SLC39A8: variants seen among roughly 807,000 people sequenced by gnomAD.
SLC39A8 encodes solute carrier family 39 member 8.
Under a neutral mutation model 40.4 loss-of-function variants are expected in SLC39A8, and 15 were observed. The observed-to-expected ratio is 0.37, with a 90% CI of 0.25 to 0.57. The LOEUF (loss-of-function observed/expected upper bound fraction) is 0.57. Ranked by LOEUF, SLC39A8 falls within the 20% of genes least tolerant of loss-of-function variation. The pLI is 0.75. For synonymous variants in SLC39A8, 223 were observed against 221.6 expected, an observed-to-expected ratio of 1.01 and a Z score of -0.06; for missense variants, 472 against 558.8, an observed-to-expected ratio of 0.84 and a Z score of 1.57.
Position 102,272,981 on chromosome 4 carries a change from C to T in SLC39A8, c.841-4902G>A, listed in dbSNP as rs72924836. Reference sequence around the variant, plus strand: ...AGGAGATTCCCTAGGGTGCCTACACCTCAAGGGCCCTGGGTTTCAACCACA... The same window carrying T: ...AGGAGATTCCCTAGGGTGCCTACACTTCAAGGGCCCTGGGTTTCAACCACA... On this transcript the variant is annotated intron_variant, in intron 6 of 8. Transcript: ENST00000356736. Among the ~76,000 whole-genome samples the T allele has an allele frequency of 8.8e-3, 1,344 of 152,290 alleles. 20 individuals carry two copies. Among genetic ancestry groups the T allele is most frequent in the African/African-American group, 0.031 (1,283 of 41,566 alleles).
At chr4:102,335,375 T>C (rs1387288975) in intron 2 of SLC39A8, among the ~76,000 whole-genome samples, 2 of 152,202 alleles carry the variant, frequency 1.3e-5, no homozygotes, top group Non-Finnish European at 2.9e-5. Context: ...AAGAGATACA[T>C]CTCTCACTTC....
rs1209350669 is a variant in SLC39A8, at chr4:102,326,518, G to A, written c.220-10688C>T. 3.3e-5 allele frequency among the ~76,000 whole-genome samples: 5 copies of A among 152,126 alleles called. No homozygotes were observed. The East Asian group carries it at 5.8e-4, about 18-fold the overall frequency. Reference sequence around the variant, plus strand: ...AGAGCTTGCAGTGAGCCGAGATCGCGCCACTGCATTCCAGCCTGGGCGACA... The same window carrying A: ...AGAGCTTGCAGTGAGCCGAGATCGCACCACTGCATTCCAGCCTGGGCGACA... On this transcript the variant is annotated intron_variant, in intron 2 of 8. Transcript: ENST00000356736.
intron 2 of SLC39A8, among the ~76,000 whole-genome samples, chr4:102,333,966 A>G (rs1183388658): frequency 6.6e-6 from 1 of 152,204 alleles, no homozygotes; most frequent in Non-Finnish European, 1.5e-5. Flanking sequence ...TTCAGGTAGG[A>G]TGTAATCAAC....
At chr4:102,336,177 AAT>A (rs1207164570) in intron 2 of SLC39A8, among the ~76,000 whole-genome samples, 1 of 152,202 alleles carries the variant, frequency 6.6e-6, no homozygotes, top group East Asian at 1.9e-4. Context: ...AAGTGCCCGA[AAT>A]ATGTTAAATG....
intron 6 of SLC39A8, among the ~76,000 whole-genome samples, chr4:102,291,382 A>AC (rs767496995): frequency 6.6e-6 from 1 of 151,854 alleles, no homozygotes; most frequent in Non-Finnish European, 1.5e-5. Context: ...CTCTCACCTT[A>AC]CCCACAGAGT....
rs767671702 is a variant in SLC39A8, at chr4:102,315,795, G to A, written c.255C>T (p.Gly85=). The part of the protein sequence containing the change: ...LTAEEIFSLH[G]FSNATQITSS... ...TGGTTATTTGGGTAGCATTTGAAAA[G>A]CCATGAAGGGAAAAGATCTCTTCAG... Residue 85 remains glycine, a synonymous_variant, in exon 3 of 9, where the codon GGC becomes GGT. Coordinates refer to ENST00000356736, the MANE Select transcript of SLC39A8 (RefSeq NM_001135146.2). 6.2e-7 allele frequency: 1 copy of A among 1,612,622 alleles called. No homozygotes were observed. Among genetic ancestry groups the A allele is most frequent in the African/African-American group, 1.3e-5 (1 of 74,768 alleles).
intron 6 of SLC39A8, among the ~76,000 whole-genome samples, chr4:102,295,917 T>C (rs1035946453): frequency 2.6e-5 from 4 of 152,112 alleles, no homozygotes; most frequent in Non-Finnish European, 5.9e-5. Flanking sequence ...TAGTTCTTAA[T>C]GTAGTGTTTT....
At chr4:102,337,507 A>T (rs1178260171) in intron 2 of SLC39A8, among the ~76,000 whole-genome samples, 1 of 152,254 alleles carries the variant, frequency 6.6e-6, no homozygotes, top group South Asian at 2.1e-4. Flanking sequence ...AGAAAGCTCA[A>T]ACTGCCTCCT....
chr4:102,342,551 A>T (rs1009263136), intron 2 of SLC39A8, among the ~76,000 whole-genome samples: 1 of 152,100 alleles, frequency 6.6e-6, no homozygotes, highest in Non-Finnish European at 1.5e-5. Context: ...TTAAGTGGTA[A>T]ATTTTCCTTG....
chr4:102,276,198 C>G (rs1302339938), intron 6 of SLC39A8, among the ~76,000 whole-genome samples: 2 of 152,158 alleles, frequency 1.3e-5, no homozygotes, highest in South Asian at 2.1e-4. Context: ...AATCCAGGAG[C>G]TGGTTTTTTG....
intron 3 of SLC39A8, among the ~76,000 whole-genome samples, chr4:102,315,237 G>T (rs1426458716): frequency 6.6e-6 from 1 of 152,042 alleles, no homozygotes; most frequent in Non-Finnish European, 1.5e-5. Flanking sequence ...TTTGGTCCCT[G>T]AAAATTTAAT....
intron 6 of SLC39A8, among the ~76,000 whole-genome samples, chr4:102,275,281 AAAAAACAAAAACAAAAAC>A (rs61708966): frequency 2.7e-5 from 4 of 149,710 alleles, no homozygotes; most frequent in Non-Finnish European, 5.9e-5. Context: ...TGGAAAGCAA[AAAAAACAAAAACAAAAAC>A]AAAAACAAAA....
intron 6 of SLC39A8, among the ~76,000 whole-genome samples, chr4:102,272,940 T>C (rs763100814): frequency 6.6e-6 from 1 of 152,120 alleles, no homozygotes; most frequent in Admixed American, 6.5e-5. Flanking sequence ...CCCAAGGTCT[T>C]TGCAACCTAC....
chr4:102,288,921 C>T (rs1733301958), intron 6 of SLC39A8, among the ~76,000 whole-genome samples: 1 of 152,084 alleles, frequency 6.6e-6, no homozygotes. Flanking sequence ...AGAAGTTATC[C>T]AGGAGATCTA....
At chr4:102,338,151 T>C (rs1735757922) in intron 2 of SLC39A8, among the ~76,000 whole-genome samples, 1 of 152,062 alleles carries the variant, frequency 6.6e-6, no homozygotes, top group Non-Finnish European at 1.5e-5. Flanking sequence ...CAGCTTTGCC[T>C]TCCATAGTCA....
intron 6 of SLC39A8, among the ~76,000 whole-genome samples, chr4:102,281,763 A>G (rs879456846): frequency 6.6e-5 from 10 of 152,264 alleles, no homozygotes; most frequent in Middle Eastern, 3.4e-3. Flanking sequence ...TACTCTGTAC[A>G]TGGAGCGTGA....
chr4:102,340,621 GT>G (rs1159419636), intron 2 of SLC39A8, among the ~76,000 whole-genome samples: 1 of 152,214 alleles, frequency 6.6e-6, no homozygotes, highest in Admixed American at 6.5e-5. Context: ...TTATCTAAAA[GT>G]CACTGAATTG....
intron 6 of SLC39A8, among the ~76,000 whole-genome samples, chr4:102,289,519 T>C (rs970886213): frequency 9.9e-5 from 15 of 152,116 alleles, no homozygotes; most frequent in African/African-American, 3.4e-4. Context: ...ATTCCTATAA[T>C]GAATCTCAGC....
chr4:102,336,270 G>C (rs907327833), intron 2 of SLC39A8, among the ~76,000 whole-genome samples: 2 of 152,106 alleles, frequency 1.3e-5, no homozygotes, highest in East Asian at 3.9e-4. Flanking sequence ...CTCAATTTAC[G>C]GATGTGAAAA....
Sources: allele counts gnomAD v4.1 joint callset (sites outside exome capture counted in the v4.1 genomes callset), GRCh38; gene constraint gnomAD v4.1.1; transcripts MANE v1.5; gene names NCBI Gene and HGNC (gene_info 2026-07-23, HGNC 2026-07-21).